The following NBPF3 variants were observed in gnomAD, a reference collection of about 807,000 sequenced individuals.
The protein encoded by NBPF3 is NBPF member 3.
Under a neutral mutation model 78.1 loss-of-function variants are expected in NBPF3, and 57 were observed. The ratio of observed to expected loss-of-function variants is 0.73; its 90% CI spans 0.59 to 0.91. The LOEUF is 0.91. Ranked by LOEUF, NBPF3 falls within the 40% of genes least tolerant of loss-of-function variation. The pLI is 0.00. For synonymous variants in NBPF3, 182 were observed against 271.7 expected (o/e 0.67, Z 3.25); for missense variants, 510 against 715.3 (o/e 0.71, Z 3.27).
At position 21,444,987 on chromosome 1, in the gene NBPF3, T is replaced by C; in HGVS notation, c.-100T>C. On this transcript the variant is annotated 5_prime_UTR_variant, in exon 2 of 15. Transcript: ENST00000318249. ...AATCCTGTTTAGACCCAGGCGAAGG[T>C]TCCTGGTGACCCAGGCTCTCACCAG... 2 of 1,359,382 alleles carry C rather than the reference T, an allele frequency of 1.5e-6. No individual in the cohort carries two copies. Among genetic ancestry groups the C allele is most frequent in the Non-Finnish European group, 2.0e-6 (2 of 1,001,252 alleles). 84.2% of individuals were successfully genotyped at this position (1,359,382 alleles called of 1,614,324 possible).
At position 21,471,711 on chromosome 1, in the gene NBPF3, G is replaced by A; in HGVS notation, c.589G>A (p.Gly197Arg). ...TCCGGATGAGCCGGACAACTCCCAG[G>A]GACGGGACCTCCGAGAACAGCTGGC... ...LTPDEPDNSQ[G>R]RDLREQLAEG... The change falls in exon 5 of 15, where the codon GGA becomes AGA. Residue 197 changes from glycine to arginine, a missense_variant. Coordinates refer to ENST00000318249, the MANE Select transcript of NBPF3 (RefSeq NM_032264.6). 1 of 1,612,542 alleles carries A rather than the reference G, an allele frequency of 6.2e-7. No homozygotes were observed. The highest frequency in any genetic ancestry group is 1.7e-5 in the Admixed American group (1 of 59,910).
At chr1:21,480,559 C>T (rs1643159434) in intron 11 of NBPF3, among the ~76,000 whole-genome samples, 1 of 151,878 alleles carries the variant, frequency 6.6e-6, no homozygotes, top group South Asian at 2.1e-4. Context: ...ATTTCAGTGT[C>T]TTGCAACCAC....
Position 21,471,877 on chromosome 1 carries a change from G to T in NBPF3, c.661+94G>T, listed in dbSNP as rs10158335. 7,991 of 1,520,530 alleles carry T rather than the reference G, an allele frequency of 5.3e-3. 325 individuals are homozygous for T. The African/African-American group carries it at 0.091, about 17-fold the overall frequency. The allele number at this position is 1,520,530 out of a possible 1,614,324, so 94.2% of individuals were successfully genotyped here. On this transcript the variant is annotated intron_variant, in intron 5 of 14. Transcript: ENST00000318249. ...TCACAATGACATTTGTATCGGTGGT[G>T]TTTTTTCCCACTAAACGTATGTGGC...
intron 2 of NBPF3, chr1:21,446,601 T>C (rs1277824023): frequency 7.1e-6 from 1 of 140,520 alleles, no homozygotes; most frequent in African/African-American, 2.6e-5. Flanking sequence ...CTTTCCTTTC[T>C]TCCTTTCTTC....
chr1:21,451,601 G>C (rs895695657), intron 2 of NBPF3, among the ~76,000 whole-genome samples: 2 of 152,184 alleles, frequency 1.3e-5, no homozygotes, highest in Non-Finnish European at 2.9e-5. Context: ...CAGGAAGGAG[G>C]TTAATCATAT....
chr1:21,447,676 A>C (rs973920089), intron 2 of NBPF3, among the ~76,000 whole-genome samples: 1 of 152,152 alleles, frequency 6.6e-6, no homozygotes, highest in Non-Finnish European at 1.5e-5. Flanking sequence ...GGGTACTTCC[A>C]AGTTTTGGCA....
In NBPF3 at chr1:21,479,806, C is replaced by A. The variant is rs61810659; in HGVS notation, c.1209-245C>A. On this transcript the variant is annotated intron_variant, in intron 10 of 14. Transcript: ENST00000318249. ...CTGAGCTCACTATCTCTCTCTCTCT[C>A]TCTCTCTCTCTCTCTGTGTGTGTGT... is the stretch of plus-strand genomic sequence containing the variant. 4.8e-4 allele frequency among the ~76,000 whole-genome samples: 42 copies of A among 87,460 alleles called. 1 individual carries two copies. Among genetic ancestry groups the A allele is most frequent in the Non-Finnish European group, 4.6e-4 (17 of 37,350 alleles). The allele number at this position is 87,460 out of a possible 152,430, so 57.4% of individuals were successfully genotyped here.
upstream of NBPF3, chr1:21,437,455 C>T (rs1173446285): frequency 1.4e-6 from 2 of 1,433,768 alleles, no homozygotes; most frequent in Non-Finnish European, 1.9e-6. Flanking sequence ...GGGACAAGAC[C>T]GAGGGCACCA....
intron 4 of NBPF3, among the ~76,000 whole-genome samples, chr1:21,471,096 G>A (rs893599624): frequency 7.2e-5 from 11 of 152,004 alleles, no homozygotes; most frequent in Non-Finnish European, 1.6e-4. Context: ...GACTGACTGC[G>A]GCTTCTCATG....
intron 2 of NBPF3, among the ~76,000 whole-genome samples, chr1:21,461,435 TAGG>T (rs1168121258): frequency 2.0e-5 from 3 of 152,034 alleles, no homozygotes; most frequent in African/African-American, 7.2e-5. Context: ...AGCACCTGAG[TAGG>T]AGAAGTCAAA....
At position 21,471,557 on chromosome 1, in the gene NBPF3, A is replaced by G. The variant is rs761033878; in HGVS notation, c.447-12A>G. 6 of 1,611,664 alleles carry G rather than the reference A, an allele frequency of 3.7e-6. No individual in the cohort carries two copies. The highest frequency in any genetic ancestry group is 3.3e-5 in the South Asian group (3 of 90,968). On this transcript the variant is annotated splice_polypyrimidine_tract_variant and intron_variant, in intron 4 of 14. Coordinates refer to ENST00000318249, the MANE Select transcript of NBPF3 (RefSeq NM_032264.6). ...TTTCCACTGTTAAATTTTCTCTACT[A>G]TCTCACCTTAGGCAATATAAAGTCC...
intron 2 of NBPF3, among the ~76,000 whole-genome samples, chr1:21,455,205 A>G (rs1641530741): frequency 6.6e-6 from 1 of 152,268 alleles, no homozygotes; most frequent in Admixed American, 6.5e-5. Flanking sequence ...CACTAGGTCA[A>G]GCTCATCAGA....
At chr1:21,457,976 C>G (rs370573814) in intron 2 of NBPF3, among the ~76,000 whole-genome samples, 1 of 152,326 alleles carries the variant, frequency 6.6e-6, no homozygotes. Flanking sequence ...TATATACCTT[C>G]TAAGCTATAT....
chr1:21,459,795 G>C lies in NBPF3; in HGVS notation c.134-8893G>C. On this transcript the variant is annotated intron_variant, in intron 2 of 14. Transcript: ENST00000318249. ...CATGGTGACAGTGACATTGAAGGTG[G>C]GGGCTCCACCGATGCTCTTCGTTTG... 2 of 307,860 alleles carry C rather than the reference G, an allele frequency of 6.5e-6. 1 individual carries two copies. Among genetic ancestry groups the C allele is most frequent in the South Asian group, 7.1e-5 (2 of 28,274 alleles). The allele number at this position is 307,860 out of a possible 1,614,324, so 19.1% of individuals were successfully genotyped here.
intron 2 of NBPF3, among the ~76,000 whole-genome samples, chr1:21,458,147 A>C (rs1641737339): frequency 6.6e-6 from 1 of 152,190 alleles, no homozygotes; most frequent in Admixed American, 6.5e-5. Flanking sequence ...TCTCCTGCTA[A>C]ATCACAGAGG....
rs1287167509 is a variant in NBPF3 at position 21,484,314 on chromosome 1, AT to A, written c.*932del. ...ATAATGTAGCTACATTTCTTTAGTT[AT>A]TTTGAACCCCAAATATTTCCTCATC... On this transcript the variant is annotated 3_prime_UTR_variant, in exon 15 of 15. Transcript: ENST00000318249. 4 of 145,508 alleles carry A rather than the reference AT, an allele frequency of 2.7e-5. No individual in the cohort carries two copies. The highest frequency in any genetic ancestry group is 1.0e-4 in the African/African-American group (4 of 39,152). The allele number at this position is 145,508 out of a possible 1,614,324, so 9.0% of individuals were successfully genotyped here. A position where few individuals can be genotyped will look rare whatever the true frequency, so the allele number is the denominator to read the frequency against.
intron 2 of NBPF3, among the ~76,000 whole-genome samples, chr1:21,447,210 T>A (rs1641039229): frequency 6.6e-6 from 1 of 152,220 alleles, no homozygotes; most frequent in African/African-American, 2.4e-5. Flanking sequence ...TATTAGTATG[T>A]TTTATGAGTG....
At chr1:21,447,575 C>T (rs1388761940) in intron 2 of NBPF3, among the ~76,000 whole-genome samples, 2 of 152,142 alleles carry the variant, frequency 1.3e-5, no homozygotes, top group African/African-American at 4.8e-5. Context: ...CTTTTCATGG[C>T]TTGATAGCTT....
At chr1:21,462,856 T>A (rs1283173394) in intron 2 of NBPF3, among the ~76,000 whole-genome samples, 1 of 152,228 alleles carries the variant, frequency 6.6e-6, no homozygotes, top group Non-Finnish European at 1.5e-5. Flanking sequence ...AACAGGATAC[T>A]ACCTAAGTAA....
Sources: gnomAD v4.1 joint callset for allele counts (sites outside exome capture counted in the v4.1 genomes callset) on GRCh38, gnomAD v4.1.1 for gene constraint, MANE v1.5 for transcripts, NCBI Gene and HGNC (gene_info 2026-07-23, HGNC 2026-07-21) for gene names.